The following TERB1 variants were observed in gnomAD, a reference collection of about 807,000 sequenced individuals.
TERB1 encodes telomere repeats-binding bouquet formation protein 1.
Under a neutral mutation model 92.3 loss-of-function variants are expected in TERB1, and 63 were observed. The ratio of observed to expected loss-of-function variants is 0.68; its 90% CI spans 0.56 to 0.84. TERB1 has a LOEUF of 0.84. TERB1 is among the 40% of genes least tolerant of loss of function. TERB1 has a pLI of 0.00. For missense variants in TERB1, 709 were observed against 843.7 expected, an observed-to-expected ratio of 0.84 and a Z score of 1.98; for synonymous variants, 252 against 283.9, an observed-to-expected ratio of 0.89 and a Z score of 1.13.
intron 1 of TERB1, 102 bp from the exon 2 acceptor site, chr16:66,801,155 GGC>G (rs1202439200): frequency 6.6e-6 from 1 of 152,592 alleles, no homozygotes; most frequent in East Asian, 1.9e-4. Context: ...CATGCGGCCC[GGC>G]CCTGGCCCTG....
intron 17 of TERB1, 134 bp from the exon 18 acceptor site, chr16:66,758,972 C>T (rs1466847721): frequency 1.5e-5 from 14 of 943,698 alleles, no homozygotes; most frequent in Non-Finnish European, 2.2e-5. Context: ...ATTTTTAAAC[C>T]AACAGTCTAA....
chr16:66,769,813 T>C, intron 14 of TERB1, 150 bp downstream of exon 14: 1 of 653,084 alleles, frequency 1.5e-6, no homozygotes, highest in Non-Finnish European at 2.6e-6. Context: ...TCCAAACTCC[T>C]TTCCCAACAC....
intron 3 of TERB1, 115 bp from the exon 4 acceptor site, chr16:66,791,134 G>T: frequency 2.0e-6 from 1 of 512,474 alleles, no homozygotes; most frequent in Non-Finnish European, 3.4e-6. Flanking sequence ...AAAGTAATAG[G>T]CAGGTATTAC....
At chr16:66,791,100 A>G (rs2018826853) in intron 3 of TERB1, 81 bp from the exon 4 acceptor site, 1 of 694,522 alleles carries the variant, frequency 1.4e-6, no homozygotes, top group Non-Finnish European at 2.3e-6. Context: ...TACTAAATAC[A>G]TATCTTTGGA....
chr16:66,759,797 C>CAAAAA (rs762588462), intron 16 of TERB1, among the ~76,000 whole-genome samples: 1 of 30,758 alleles, frequency 3.3e-5, no homozygotes, highest in Non-Finnish European at 6.9e-5. Flanking sequence ...GACTCTGTCT[C>CAAAAA]AAAAAAAAAA....
At chr16:66,790,748 A>C (rs1363028983) in intron 4 of TERB1, 25 bp from the exon 5 acceptor site, 3 of 1,545,732 alleles carry the variant, frequency 1.9e-6, no homozygotes, top group Non-Finnish European at 2.6e-6. Context: ...GAAAAAAAAC[A>C]AAATAGAAAT....
intron 2 of TERB1, among the ~76,000 whole-genome samples, chr16:66,797,923 A>C (rs1014764617): frequency 6.6e-6 from 1 of 152,144 alleles, no homozygotes; most frequent in South Asian, 2.1e-4. Context: ...TAAACTGATT[A>C]GTTAGAAAAA....
At chr16:66,759,873 C>T (rs1348997659) in intron 16 of TERB1, among the ~76,000 whole-genome samples, 1 of 146,418 alleles carries the variant, frequency 6.8e-6, no homozygotes, top group Admixed American at 6.9e-5. Context: ...CAGTGGCTCA[C>T]GCTGTAATTC....
rs951117067 is a variant in TERB1 at position 66,775,216 on chromosome 16, T to C, written c.1013A>G (p.Asn338Ser). 3.2e-5 allele frequency: 49 copies of C among 1,551,196 alleles called. No homozygotes were observed. Among genetic ancestry groups the C allele is most frequent in the Non-Finnish European group, 4.0e-5 (46 of 1,146,676 alleles). ...TTGAATCATGAGTGGAAGCCCATTG[T>C]TTTTAAAAAGGTCATACTGATTTTC... ...CEENQYDLFK[N>S]NGLPLMIQAL... is the part of the protein sequence containing the mutation. The change falls in exon 12 of 19, where the codon AAC becomes AGC. Residue 338 changes from asparagine (N) to serine (S), a missense_variant. Physicochemically the swap from Asn to Ser is conservative, Grantham distance 46. Coordinates refer to ENST00000433154, the MANE Select transcript of TERB1 (RefSeq NM_001136505.2).
At chr16:66,761,641 A>G (rs2018252285) in intron 16 of TERB1, among the ~76,000 whole-genome samples, 1 of 151,856 alleles carries the variant, frequency 6.6e-6, no homozygotes, top group African/African-American at 2.4e-5. Context: ...AAAAAATATT[A>G]GCCGGGTGTG....
chr16:66,766,048 T>C (rs2018340148), intron 16 of TERB1, among the ~76,000 whole-genome samples: 1 of 146,612 alleles, frequency 6.8e-6, no homozygotes, highest in Non-Finnish European at 1.5e-5. Flanking sequence ...ATTTTTTGTA[T>C]TTTTAGTAGA....
intron 9 of TERB1, among the ~76,000 whole-genome samples, chr16:66,779,356 G>A (rs531573246): frequency 6.6e-6 from 1 of 152,064 alleles, no homozygotes; most frequent in Non-Finnish European, 1.5e-5. Context: ...CCAGCACTTT[G>A]GGAGGCTGAG....
intron 9 of TERB1, among the ~76,000 whole-genome samples, chr16:66,780,876 G>A (rs2018624336): frequency 6.6e-6 from 1 of 152,156 alleles, no homozygotes; most frequent in Non-Finnish European, 1.5e-5. Context: ...TGTGACATAT[G>A]AGTATTCGTT....
At chr16:66,789,651 ACTTATCCCTGTATCCCCAATG>A in intron 5 of TERB1, among the ~76,000 whole-genome samples, 1 of 142,836 alleles carries the variant, frequency 7.0e-6, no homozygotes, top group African/African-American at 2.6e-5. Flanking sequence ...ACTATATCTT[ACTTATCCCTGTATCCCCAATG>A]CCTTGCACAA....
In TERB1 at chr16:66,770,228, C is replaced by T; in HGVS notation, c.1354G>A (p.Ala452Thr). The T allele has an allele frequency of 6.4e-7, 1 of 1,552,248 alleles. No homozygotes were observed. Among genetic ancestry groups the T allele is most frequent in the Non-Finnish European group, 8.7e-7 (1 of 1,147,092 alleles). ...SIQNTWKHLH[A>T]DRIGRGSKAE... The stretch of plus-strand genomic sequence containing the variant: ...TTGCTACCTCGACCAATCCGATCTG[C>T]ATGGAGATGTTTCCATGTATTCTGA... Residue 452 changes from alanine to threonine, a missense_variant, in exon 14 of 19, where the codon GCA (alanine) becomes ACA (threonine). Coordinates refer to ENST00000433154, the MANE Select transcript of TERB1 (RefSeq NM_001136505.2).
At chr16:66,793,211 GTTTTTTTTTTT>G (rs1174263983) in intron 3 of TERB1, among the ~76,000 whole-genome samples, 1 of 93,546 alleles carries the variant, frequency 1.1e-5, no homozygotes, top group Admixed American at 1.3e-4. Flanking sequence ...TTGTGGTTTG[GTTTTTTTTTTT>G]TTTTTTTTTT....
chr16:66,768,290 G>A (rs893871831), intron 14 of TERB1, 122 bp from the exon 15 acceptor site: 6 of 707,246 alleles, frequency 8.5e-6, no homozygotes, highest in African/African-American at 3.6e-5. Context: ...CTGGAATCAC[G>A]ATCTACCACA....
chr16:66,760,603 T>C (rs998227202), intron 16 of TERB1, among the ~76,000 whole-genome samples: 4 of 133,288 alleles, frequency 3.0e-5, no homozygotes, highest in Non-Finnish European at 6.3e-5. Flanking sequence ...CTGGCCAATA[T>C]GGTGAAACCC....
rs1336578720 is a variant in TERB1, at chr16:66,784,791, C to CTG, written c.700+994_700+995insCA. 2.7e-5 allele frequency among the ~76,000 whole-genome samples: 4 copies of CTG among 147,022 alleles called. No homozygotes were observed. The East Asian group carries it at 7.9e-4, about 29-fold the overall frequency. On this transcript the variant is annotated intron_variant, in intron 9 of 18. Transcript: ENST00000433154. ...TTTGAAACGGAGTCTCATTCTGTCA[C>CTG]CCAGGCTGGAGTGCAGTGGTGTGAT...
Sources: gnomAD v4.1 joint callset for allele counts (sites outside exome capture counted in the v4.1 genomes callset) on GRCh38, gnomAD v4.1.1 for gene constraint, MANE v1.5 for transcripts, NCBI Gene and HGNC (gene_info 2026-07-23, HGNC 2026-07-21) for gene names.